RASSF3: variants seen among roughly 807,000 people sequenced by gnomAD.
RASSF3 encodes the protein ras association domain-containing protein 3.
RASSF3 carries 19 observed loss-of-function variants against 19.9 expected under a neutral mutation model. The ratio of observed to expected loss-of-function variants is 0.96; its 90% confidence interval spans 0.67 to 1.40. The LOEUF (loss-of-function observed/expected upper bound fraction) is 1.40. Among genes scored for constraint, RASSF3 ranks in the 40% most tolerant of loss-of-function variants. The pLI is 0.00. For synonymous variants in RASSF3, 110 were observed against 104.2 expected, an observed-to-expected ratio of 1.06 and a Z score of -0.34; for missense variants, 306 against 289.8, an observed-to-expected ratio of 1.06 and a Z score of -0.41.
chr12:64,531,059 T>C (rs1183669293), upstream of RASSF3, among the ~76,000 whole-genome samples: 2 of 152,238 alleles, frequency 1.3e-5, no homozygotes, highest in Non-Finnish European at 2.9e-5. Flanking sequence ...GAAGTCAAGC[T>C]TATCAATTTT....
chr12:64,632,491 T>C (rs1182498181), intron 1 of RASSF3, among the ~76,000 whole-genome samples: 2 of 152,056 alleles, frequency 1.3e-5, no homozygotes, highest in South Asian at 2.1e-4. Flanking sequence ...TAATTAGGGC[T>C]AGAAATAGGA....
chr12:64,690,374 G>A (rs149537183), intron 3 of RASSF3, among the ~76,000 whole-genome samples: 47 of 151,836 alleles, frequency 3.1e-4, no homozygotes, highest in African/African-American at 1.1e-3. Context: ...TAGAGACAGA[G>A]TTTCACCATG....
chr12:64,659,552 T>A (rs1243365620), intron 1 of RASSF3, among the ~76,000 whole-genome samples: 4 of 152,152 alleles, frequency 2.6e-5, no homozygotes. Flanking sequence ...AATCAGAGTC[T>A]TTGTTTTCCT....
chr12:64,550,913 G>A (rs563641478), intron 2 of RASSF3, among the ~76,000 whole-genome samples: 7 of 150,558 alleles, frequency 4.6e-5, no homozygotes, highest in South Asian at 2.1e-4. Flanking sequence ...CAATCCTGCC[G>A]GCTCACTGCT....
intron 1 of RASSF3, among the ~76,000 whole-genome samples, chr12:64,649,381 A>G (rs1871859017): frequency 6.6e-6 from 1 of 151,968 alleles, no homozygotes; most frequent in Non-Finnish European, 1.5e-5. Context: ...TTTAGTAGAG[A>G]CAGGGTTTCA....
chr12:64,691,122 A>C (rs1868272890), intron 3 of RASSF3, among the ~76,000 whole-genome samples: 1 of 151,210 alleles, frequency 6.6e-6, no homozygotes, highest in Non-Finnish European at 1.5e-5. Flanking sequence ...TCGGCCTCCC[A>C]AAGTATTGGG....
intron 2 of RASSF3, among the ~76,000 whole-genome samples, chr12:64,555,381 A>G (rs1050554371): frequency 6.6e-6 from 1 of 152,180 alleles, no homozygotes; most frequent in African/African-American, 2.4e-5. Context: ...GCCCAGCTAG[A>G]ATCTTAATGT....
chr12:64,599,981 A>G (rs989054173), intron 2 of RASSF3, among the ~76,000 whole-genome samples: 101 of 149,396 alleles, frequency 6.8e-4, no homozygotes, highest in Admixed American at 6.8e-4. Context: ...GCGGTGAGCC[A>G]AGATCGCGCC....
intron 1 of RASSF3, among the ~76,000 whole-genome samples, chr12:64,641,422 G>A (rs571284336): frequency 1.6e-4 from 9 of 57,476 alleles, no homozygotes; most frequent in African/African-American, 5.5e-4. Flanking sequence ...ACACGCGCGC[G>A]CGCGCGTTGA....
chr12:64,659,328 C>T (rs183960637), intron 1 of RASSF3, among the ~76,000 whole-genome samples: 1 of 152,178 alleles, frequency 6.6e-6, no homozygotes, highest in East Asian at 1.9e-4. Flanking sequence ...TAAGATTATT[C>T]TTCTCCTAAA....
upstream of RASSF3, among the ~76,000 whole-genome samples, chr12:64,532,585 G>A (rs537151768): frequency 4.6e-5 from 7 of 152,140 alleles, no homozygotes; most frequent in African/African-American, 1.7e-4. Context: ...CACTATGGGA[G>A]GCCGAGGTGG....
intron 1 of RASSF3, among the ~76,000 whole-genome samples, chr12:64,510,647 G>C (rs982174607): frequency 7.2e-5 from 11 of 152,104 alleles, no homozygotes; most frequent in African/African-American, 2.7e-4. Context: ...TCTCCCCCTA[G>C]AAGACAATAA....
At chr12:64,610,922 G>C (rs945223303) in intron 1 of RASSF3, among the ~76,000 whole-genome samples, 179 bp downstream of exon 1, 3 of 152,162 alleles carry the variant, frequency 2.0e-5, no homozygotes, top group African/African-American at 7.2e-5. Context: ...CCTGGAGCTT[G>C]TGCGTGTAGG....
chr12:64,668,271 CTT>C lies in RASSF3; in HGVS notation c.112-16504_112-16503del, dbSNP rs369487530. 3.6e-3 allele frequency among the ~76,000 whole-genome samples: 529 copies of C among 147,198 alleles called. 3 individuals carry two copies. The highest frequency in any genetic ancestry group is 0.013 in the African/African-American group (513 of 40,296). On this transcript the variant is annotated intron_variant, in intron 1 of 4. Transcript: ENST00000542104. The stretch of plus-strand genomic sequence containing the variant: ...TACCAATCCTTTTCTTCTTCTTCTT[CTT>C]TTTTTTTTTTTCTCTTCAATTGAAA...
At chr12:64,638,013 G>T (rs1322410701) in intron 1 of RASSF3, among the ~76,000 whole-genome samples, 1 of 151,618 alleles carries the variant, frequency 6.6e-6, no homozygotes, top group Non-Finnish European at 1.5e-5. Flanking sequence ...TGTATTTTTA[G>T]TAGAGATGGG....
chr12:64,659,150 G>A (rs546310087), intron 1 of RASSF3, among the ~76,000 whole-genome samples: 1 of 152,254 alleles, frequency 6.6e-6, no homozygotes, highest in South Asian at 2.1e-4. Context: ...CACATTCCAT[G>A]GTCCTGCCTG....
chr12:64,523,665 C>A (rs908721499), intron 1 of RASSF3, among the ~76,000 whole-genome samples: 67 of 151,152 alleles, frequency 4.4e-4, no homozygotes, highest in African/African-American at 1.6e-3. Flanking sequence ...AGGAAAAGGG[C>A]AAAAAAATGC....
chr12:64,652,372 C>T (rs182288781), intron 1 of RASSF3, among the ~76,000 whole-genome samples: 1 of 151,908 alleles, frequency 6.6e-6, no homozygotes, highest in East Asian at 1.9e-4. Context: ...TTTTTTTAAA[C>T]ACGTCTGAGG....
chr12:64,539,143 T>TA (rs1868890854), intron 1 of RASSF3, among the ~76,000 whole-genome samples: 1 of 152,174 alleles, frequency 6.6e-6, no homozygotes, highest in African/African-American at 2.4e-5. Context: ...ATTTATTTCT[T>TA]ACAGTTCTTC....
Sources: allele counts gnomAD v4.1 joint callset (sites outside exome capture counted in the v4.1 genomes callset), GRCh38; gene constraint gnomAD v4.1.1; transcripts MANE v1.5; gene names NCBI Gene and HGNC (gene_info 2026-07-23, HGNC 2026-07-21).